Variants in DRC4 observed in about 807,000 individuals in gnomAD.
DRC4 encodes GAS-11.
At chr16:90,029,219 A>AGCCTAC in the DRC4 span, 10 of 1,365,816 alleles carry the variant, frequency 7.3e-6, no homozygotes, top group Admixed American at 5.7e-5. Flanking sequence ...GCTACGGGGC[A>AGCCTAC]GGCCCTTGCA....
chr16:90,021,633 G>A, the DRC4 span, among the ~76,000 whole-genome samples: 5 of 152,114 alleles, frequency 3.3e-5, no homozygotes, highest in South Asian at 4.1e-4. Flanking sequence ...TTGGGAGGCC[G>A]AGGCAGGAGG....
chr16:90,038,768 C>T, the DRC4 span, among the ~76,000 whole-genome samples: 4 of 152,168 alleles, frequency 2.6e-5, no homozygotes, highest in African/African-American at 9.7e-5. Context: ...CCAAGATTCG[C>T]AGTGAGTGGT....
chr16:90,024,393 C>A, the DRC4 span, among the ~76,000 whole-genome samples: 3 of 152,136 alleles, frequency 2.0e-5, no homozygotes, highest in Non-Finnish European at 4.4e-5. Context: ...TTAAGCTTTT[C>A]GTGGGGCAGA....
chr16:90,044,754 G>A, the DRC4 span: 2 of 386,470 alleles, frequency 5.2e-6, no homozygotes, highest in Non-Finnish European at 1.1e-5. Flanking sequence ...ACACAGTGAG[G>A]CTGTTAGGTC....
chr16:90,027,753 G>A, the DRC4 span: 18 of 1,601,128 alleles, frequency 1.1e-5, no homozygotes, highest in Middle Eastern at 1.7e-4. Context: ...CCCAGTCCCC[G>A]GGTGGGCGTG....
At chr16:90,022,209 G>A in the DRC4 span, 2 of 153,742 alleles carry the variant, frequency 1.3e-5, no homozygotes, top group Admixed American at 6.5e-5. Flanking sequence ...TTTTTGAGGT[G>A]TGTGTAAACC....
At chr16:90,037,708 G>T in the DRC4 span, 2 of 1,534,316 alleles carry the variant, frequency 1.3e-6, no homozygotes, top group South Asian at 1.1e-5. Flanking sequence ...GTGTTACTTG[G>T]ATGACTGTGA....
At chr16:90,019,915 G>A in the DRC4 span, 8 of 681,256 alleles carry the variant, frequency 1.2e-5, no homozygotes, top group East Asian at 1.4e-4. This position sits in a 1 kb window ranked among gnomAD's most constrained non-coding sequence, Gnocchi z 6.1. Context: ...GTGGGGGCGA[G>A]GGCGTGTGCT....
chr16:90,029,960 T>A, the DRC4 span: 3 of 152,838 alleles, frequency 2.0e-5, no homozygotes, highest in African/African-American at 7.2e-5. Context: ...GGTTTCACCG[T>A]GTTAGCCAGG....
the DRC4 span, chr16:90,043,696 G>C: frequency 4.0e-6 from 2 of 506,082 alleles, no homozygotes; most frequent in African/African-American, 3.9e-5. Context: ...TCGCGCCACT[G>C]TTGTCCCACC....
the DRC4 span, among the ~76,000 whole-genome samples, chr16:90,041,796 C>T: frequency 6.6e-6 from 1 of 151,674 alleles, no homozygotes; most frequent in Non-Finnish European, 1.5e-5. Context: ...GAGACTCCAT[C>T]TCAGAAAAAA....
At chr16:90,029,838 G>A in the DRC4 span, 1 of 168,124 alleles carries the variant, frequency 5.9e-6, no homozygotes, top group South Asian at 1.9e-4. Flanking sequence ...CTCACTGCAA[G>A]CTCCACCTCC....
the DRC4 span, chr16:90,035,869 C>G: frequency 6.7e-7 from 1 of 1,485,540 alleles, no homozygotes; most frequent in Non-Finnish European, 9.0e-7. Flanking sequence ...CCCAGAACAA[C>G]CTATTTCCAT....
chr16:90,027,905 G>T, the DRC4 span: 1 of 601,356 alleles, frequency 1.7e-6, no homozygotes, highest in Admixed American at 3.0e-5. Flanking sequence ...TGTCTTTTCA[G>T]AAAGGTAGTG....
chr16:90,028,941 C>G, the DRC4 span: 1 of 1,301,170 alleles, frequency 7.7e-7, no homozygotes, highest in Admixed American at 2.3e-5. Context: ...TACATGCAGG[C>G]AAACCATTGG....
chr16:90,026,415 C>T, the DRC4 span, among the ~76,000 whole-genome samples: 4 of 152,098 alleles, frequency 2.6e-5, no homozygotes, highest in African/African-American at 7.2e-5. Flanking sequence ...TGCTGTCTGC[C>T]CAAGCTTTCT....
At chr16:90,044,117 A>G in the DRC4 span, 1 of 452,744 alleles carries the variant, frequency 2.2e-6, no homozygotes, top group South Asian at 1.6e-5. Context: ...TCCGCACCAG[A>G]GGGACACTCC....
chr16:90,029,140 A>G, the DRC4 span: 4 of 1,317,820 alleles, frequency 3.0e-6, 1 homozygote, highest in African/African-American at 6.3e-5. Flanking sequence ...CATGGAGCCT[A>G]CGGGGCAGCC....
chr16:90,028,136 T>A, the DRC4 span: 1 of 155,614 alleles, frequency 6.4e-6, no homozygotes, highest in Non-Finnish European at 1.4e-5. Flanking sequence ...AGAAGGATGA[T>A]TTACTTCAAA....
Sources: allele counts gnomAD v4.1 joint callset (sites outside exome capture counted in the v4.1 genomes callset), GRCh38; gene constraint gnomAD v4.1.1; non-coding constraint Gnocchi (gnomAD v3.1); transcripts MANE v1.5; gene names NCBI Gene and HGNC (gene_info 2026-07-23, HGNC 2026-07-21).